Variants in NOL4L observed in about 807,000 individuals in gnomAD.
NOL4L encodes the protein nucleolar protein 4 like.
Under a neutral mutation model 64.5 loss-of-function variants are expected in NOL4L, and 7 were observed. The observed-to-expected ratio is 0.11, with a 90% CI of 0.06 to 0.20. The LOEUF is 0.20. NOL4L is among the 10% of genes least tolerant of loss of function. The pLI, the probability that NOL4L is intolerant of heterozygous loss-of-function variation, is 1.00. For missense variants in NOL4L, 680 were observed against 967.1 expected (o/e 0.70, Z 3.94); for synonymous variants, 413 against 401.0 (o/e 1.03, Z -0.36).
chr20:32,583,469 G>GA, intron 1 of NOL4L, among the ~76,000 whole-genome samples: 1 of 146,938 alleles, frequency 6.8e-6, no homozygotes. Context: ...GGGAGCGGGG[G>GA]AGCGGGGGAG....
At chr20:32,518,938 C>A (rs1469626612) in intron 3 of NOL4L, among the ~76,000 whole-genome samples, 1 of 152,226 alleles carries the variant, frequency 6.6e-6, no homozygotes, top group Non-Finnish European at 1.5e-5. Flanking sequence ...GAGTGTCCAG[C>A]ATTATAACAG....
At chr20:32,558,033 A>G (rs1369278980) in intron 1 of NOL4L, among the ~76,000 whole-genome samples, 6 of 152,254 alleles carry the variant, frequency 3.9e-5, no homozygotes, top group African/African-American at 1.4e-4. Flanking sequence ...AGCCTGGGTG[A>G]CAGAATGAAA....
At chr20:32,504,654 G>C (rs1170348936) in intron 4 of NOL4L, among the ~76,000 whole-genome samples, 1 of 151,552 alleles carries the variant, frequency 6.6e-6, no homozygotes, top group Non-Finnish European at 1.5e-5. Context: ...CGCCAGGCTG[G>C]AGTGAAGTGG....
At chr20:32,462,179 T>A (rs1040864333) in intron 5 of NOL4L, among the ~76,000 whole-genome samples, 11 of 152,182 alleles carry the variant, frequency 7.2e-5, no homozygotes, top group Non-Finnish European at 1.2e-4. Context: ...GGGGCACAGA[T>A]GATCCCCTGA....
At chr20:32,448,646 G>A (rs1010216675) in intron 10 of NOL4L, among the ~76,000 whole-genome samples, 34 of 152,184 alleles carry the variant, frequency 2.2e-4, no homozygotes, top group African/African-American at 6.8e-4. Context: ...AGTGTGGGCC[G>A]GAACCATCAG....
At chr20:32,543,255 A>C (rs2018683686) in intron 1 of NOL4L, among the ~76,000 whole-genome samples, 3 of 152,168 alleles carry the variant, frequency 2.0e-5, no homozygotes, top group Admixed American at 1.3e-4. Context: ...GATGCGTGGC[A>C]CTTCTGCCAC....
rs753167976 is a variant in NOL4L at position 32,456,311 on chromosome 20, G to A, written c.926C>T (p.Ala309Val). 1.3e-6 allele frequency: 2 copies of A among 1,576,242 alleles called. No individual in the cohort carries two copies. Among genetic ancestry groups the A allele is most frequent in the Non-Finnish European group, 1.7e-6 (2 of 1,158,264 alleles). ...STSSSTQGDP[A>V]FPEMNGNGAV... ...GCCGTTGCCATTCATCTCGGGGAAG[G>A]CAGGGTCGCCCTGCGTGCTGCTCGA... The change falls in exon 6 of 11, where the codon GCC becomes GTC. Residue 309 changes from alanine to valine, a missense_variant. Ala to Val is a moderately conservative substitution (Grantham distance 64). This residue lies in a region of NOL4L where 254 missense variants were observed against 238.7 expected (regional missense o/e 1.06). Coordinates refer to ENST00000621426, the MANE Select transcript of NOL4L (RefSeq NM_001256798.2).
At chr20:32,450,311 C>CA (rs1204716246) in intron 10 of NOL4L, 2 of 152,402 alleles carry the variant, frequency 1.3e-5, no homozygotes, top group Non-Finnish European at 2.9e-5. Flanking sequence ...GGTGGCCCTG[C>CA]AACCACGTGG....
intron 1 of NOL4L, among the ~76,000 whole-genome samples, chr20:32,547,111 C>T (rs1482740935): frequency 6.6e-6 from 1 of 152,212 alleles, no homozygotes. Context: ...GTGCCTCACC[C>T]TGCTCTAAGT....
At chr20:32,548,768 A>G in intron 1 of NOL4L, 3 of 428,922 alleles carry the variant, frequency 7.0e-6, no homozygotes, top group Non-Finnish European at 1.4e-5. Context: ...GGCCATCCAT[A>G]TTCAGGGATG....
Position 32,580,629 on chromosome 20 carries a change from G to A in NOL4L, c.321+3941C>T, listed in dbSNP as rs76368797. Among the ~76,000 whole-genome samples the A allele has an allele frequency of 8.3e-3, 1,269 of 152,306 alleles. 24 individuals carry two copies. Among genetic ancestry groups the A allele is most frequent in the African/African-American group, 0.029 (1,203 of 41,562 alleles). ...TCTCGAAGTTTCCCTTGGGGAATGG[G>A]GCTCTAACGGTGGGATTCCTGGCAT... On this transcript the variant is annotated intron_variant, in intron 1 of 10. Transcript: ENST00000621426.
chr20:32,548,810 TA>T (rs1165211959), intron 1 of NOL4L: 1 of 450,778 alleles, frequency 2.2e-6, no homozygotes, highest in South Asian at 1.6e-5. Context: ...CAGAATATCA[TA>T]AACAATCCAA....
chr20:32,472,578 G>T (rs2015100227), intron 5 of NOL4L, among the ~76,000 whole-genome samples: 1 of 152,200 alleles, frequency 6.6e-6, no homozygotes, highest in Non-Finnish European at 1.5e-5. Context: ...CTTCAAGAGG[G>T]GCTGGTTGTA....
chr20:32,572,922 C>T (rs550906260), intron 1 of NOL4L, among the ~76,000 whole-genome samples: 27 of 152,334 alleles, frequency 1.8e-4, no homozygotes, highest in Admixed American at 3.3e-4. Context: ...CCACTGGCCA[C>T]GCCACAGGCA....
chr20:32,552,808 G>C (rs1454160361), intron 1 of NOL4L, among the ~76,000 whole-genome samples: 1 of 152,090 alleles, frequency 6.6e-6, no homozygotes, highest in African/African-American at 2.4e-5. Flanking sequence ...TTCGAGACCA[G>C]CCTGGCCAAC....
intron 1 of NOL4L, among the ~76,000 whole-genome samples, chr20:32,555,794 C>A (rs930265679): frequency 6.6e-6 from 1 of 152,076 alleles, no homozygotes; most frequent in Admixed American, 6.6e-5. Flanking sequence ...CCTGCTGACA[C>A]CTTGATTTTG....
intron 4 of NOL4L, among the ~76,000 whole-genome samples, chr20:32,487,754 G>A (rs2016152428): frequency 6.6e-6 from 1 of 152,134 alleles, no homozygotes; most frequent in Non-Finnish European, 1.5e-5. Context: ...GATTATAAAG[G>A]AGCAGAAGTG....
In NOL4L at chr20:32,511,418, C is replaced by T; in HGVS notation, c.628G>A (p.Asp210Asn). ...GTGGAGGTGAGGGGCATGTTGTAAT[C>T]AATAATCCCAGAGACCAGTGGAGAT... ...PPSPLVSGIIDYNMPLTSTYL... is the reference protein window; with the variant it reads ...PPSPLVSGIINYNMPLTSTYL... The change falls in exon 4 of 11, where the codon GAT (aspartate) becomes AAT (asparagine). Residue 210 changes from aspartate to asparagine, a missense_variant. Coordinates refer to ENST00000621426, the MANE Select transcript of NOL4L (RefSeq NM_001256798.2). The T allele has an allele frequency of 6.4e-7, 1 of 1,550,438 alleles. No homozygotes were observed. Among genetic ancestry groups the T allele is most frequent in the Non-Finnish European group, 8.7e-7 (1 of 1,146,894 alleles).
rs936395670 is a variant in NOL4L at position 32,456,457 on chromosome 20, C to T, written c.842-62G>A. The T allele has an allele frequency of 4.2e-5, 58 of 1,391,030 alleles. No homozygotes were observed. In the Admixed American group the frequency reaches 1.1e-3, roughly 27 times the overall value. The allele number at this position is 1,391,030 out of a possible 1,614,324, so 86.2% of individuals were successfully genotyped here. On this transcript the variant is annotated intron_variant, in intron 5 of 10. Coordinates refer to ENST00000621426, the MANE Select transcript of NOL4L (RefSeq NM_001256798.2). ...GGCACTGTGGCCACTGCAGCCACCT[C>T]GGAGTATCCCACCCTGTGTCCTCCT... is the stretch of plus-strand genomic sequence containing the variant.
Sources: gnomAD v4.1 joint callset for allele counts (sites outside exome capture counted in the v4.1 genomes callset) on GRCh38, gnomAD v4.1.1 for gene constraint, gnomAD v4.1.1 regional missense constraint, MANE v1.5 for transcripts, NCBI Gene and HGNC (gene_info 2026-07-23, HGNC 2026-07-21) for gene names.